Variants in RPS6KA2 observed in about 807,000 individuals in gnomAD.
The protein encoded by RPS6KA2 is ribosomal protein S6 kinase A2.
Under a neutral mutation model 91.8 loss-of-function variants are expected in RPS6KA2, and 42 were observed. The observed-to-expected ratio is 0.46, with a 90% CI of 0.36 to 0.59. RPS6KA2 has a LOEUF of 0.59. RPS6KA2 is among the 20% of genes least tolerant of loss of function. RPS6KA2 has a pLI of 0.00. For missense variants in RPS6KA2, 798 were observed against 978.5 expected, an observed-to-expected ratio of 0.82 and a Z score of 2.46; for synonymous variants, 414 against 393.6, an observed-to-expected ratio of 1.05 and a Z score of -0.61.
At position 166,423,533 on chromosome 6, in the gene RPS6KA2, CA is replaced by C; in HGVS notation, c.1582-117del. On this transcript the variant is annotated intron_variant, in intron 16 of 20. Transcript: ENST00000265678. The surrounding 1 kb of genome is among the most constrained non-coding windows in gnomAD (Gnocchi z 4.8). ...GGAACTGTCTTCCTAGCAGGTCCTG[CA>C]AGCAGGCAACAGGCCAACAGTGTCA... 4.0e-6 allele frequency: 4 copies of C among 999,944 alleles called. No homozygotes were observed. In the South Asian group the frequency reaches 6.6e-5, roughly 16 times the overall value. 61.9% of individuals were successfully genotyped at this position (999,944 alleles called of 1,614,324 possible). A position where few individuals can be genotyped will look rare whatever the true frequency, so the allele number is the denominator to read the frequency against.
chr6:166,663,961 G>C (rs1037741028), intron 2 of RPS6KA2, among the ~76,000 whole-genome samples: 2 of 152,232 alleles, frequency 1.3e-5, no homozygotes, highest in Non-Finnish European at 2.9e-5. Context: ...AGATGTCTCT[G>C]TTTTATTATC....
chr6:166,461,987 T>C (rs1330115896), intron 11 of RPS6KA2, among the ~76,000 whole-genome samples: 1 of 152,236 alleles, frequency 6.6e-6, no homozygotes, highest in Non-Finnish European at 1.5e-5. Flanking sequence ...CTGCCACACC[T>C]GTGTGACCGC....
chr6:166,762,062 G>A (rs181246170), intron 2 of RPS6KA2, among the ~76,000 whole-genome samples: 9 of 152,290 alleles, frequency 5.9e-5, no homozygotes, highest in South Asian at 2.1e-4. Context: ...GCTCTATCAC[G>A]TGGAGGCCCT....
At chr6:166,859,385 T>TG (rs977706199) in intron 1 of RPS6KA2, among the ~76,000 whole-genome samples, 1 of 152,308 alleles carries the variant, frequency 6.6e-6, no homozygotes, top group African/African-American at 2.4e-5. Flanking sequence ...AGCACGCCCT[T>TG]GGCTGCTGTA....
intron 2 of RPS6KA2, among the ~76,000 whole-genome samples, chr6:166,682,693 T>C (rs1387244506): frequency 6.6e-6 from 1 of 152,184 alleles, no homozygotes; most frequent in African/African-American, 2.4e-5. Flanking sequence ...CAAGGATTGC[T>C]TCATAGCCGG....
intron 14 of RPS6KA2, chr6:166,440,163 CA>C (rs1488685006): frequency 1.3e-5 from 2 of 152,174 alleles, no homozygotes; most frequent in Non-Finnish European, 2.9e-5. Flanking sequence ...CATTCCTAAA[CA>C]ATAGGAAACT....
chr6:166,597,442 G>C (rs1051527519), intron 1 of RPS6KA2, among the ~76,000 whole-genome samples: 2 of 152,236 alleles, frequency 1.3e-5, no homozygotes, highest in Admixed American at 1.3e-4. Flanking sequence ...CACAGAGCTG[G>C]GGAAAAGGAC....
intron 2 of RPS6KA2, among the ~76,000 whole-genome samples, chr6:166,667,251 C>T (rs546099776): frequency 6.6e-6 from 1 of 152,138 alleles, no homozygotes; most frequent in East Asian, 1.9e-4. Context: ...GTAAATTTAA[C>T]GTCACATGTT....
At chr6:166,841,124 T>TA (rs942697988) in intron 2 of RPS6KA2, among the ~76,000 whole-genome samples, 154 of 127,310 alleles carry the variant, frequency 1.2e-3, no homozygotes, top group East Asian at 8.1e-3. Flanking sequence ...CTACAAAAAA[T>TA]AAAAAAAAAA....
chr6:166,544,207 T>C (rs889610130), intron 1 of RPS6KA2, among the ~76,000 whole-genome samples: 3 of 152,250 alleles, frequency 2.0e-5, no homozygotes, highest in African/African-American at 7.2e-5. Context: ...GTATTTCACA[T>C]GAGGGCTAGC....
intron 2 of RPS6KA2, among the ~76,000 whole-genome samples, chr6:166,778,720 C>G (rs1027421646): frequency 1.5e-4 from 23 of 152,318 alleles, no homozygotes; most frequent in African/African-American, 5.3e-4. Flanking sequence ...GAGCCAAGAT[C>G]ATGCCATTGC....
At chr6:166,496,926 G>C (rs529186475) in intron 8 of RPS6KA2, among the ~76,000 whole-genome samples, 1 of 152,326 alleles carries the variant, frequency 6.6e-6, no homozygotes, top group African/African-American at 2.4e-5. Context: ...GGCAAAACCT[G>C]CACCAGCGTG....
chr6:166,479,258 C>T (rs998058315), intron 10 of RPS6KA2, among the ~76,000 whole-genome samples: 9 of 151,948 alleles, frequency 5.9e-5, no homozygotes, highest in South Asian at 4.1e-4. Context: ...GCCTAGCCCA[C>T]GAGTGAGGGA....
At chr6:166,684,774 A>G (rs1027084242) in intron 2 of RPS6KA2, among the ~76,000 whole-genome samples, 5 of 152,156 alleles carry the variant, frequency 3.3e-5, no homozygotes, top group African/African-American at 1.2e-4. Flanking sequence ...TCCCAACTTG[A>G]ACATTTATCA....
intron 10 of RPS6KA2, among the ~76,000 whole-genome samples, chr6:166,486,727 C>G (rs747740473): frequency 4.6e-5 from 7 of 152,198 alleles, no homozygotes; most frequent in African/African-American, 1.7e-4. Flanking sequence ...GGCTCCGCTG[C>G]GGGGTGAGTC....
intron 2 of RPS6KA2, among the ~76,000 whole-genome samples, chr6:166,839,024 AAG>A (rs1402363845): frequency 6.6e-6 from 1 of 152,136 alleles, no homozygotes; most frequent in East Asian, 1.9e-4. Flanking sequence ...CACAGGCAGG[AAG>A]TGGGTTCTGG....
chr6:166,654,585 T>C (rs887149795), intron 2 of RPS6KA2, among the ~76,000 whole-genome samples: 2 of 152,234 alleles, frequency 1.3e-5, no homozygotes, highest in Non-Finnish European at 2.9e-5. Context: ...TTCTGCACAA[T>C]TCCATCACAA....
chr6:166,713,018 C>G (rs956435864), intron 2 of RPS6KA2, among the ~76,000 whole-genome samples: 1 of 152,208 alleles, frequency 6.6e-6, no homozygotes, highest in African/African-American at 2.4e-5. Context: ...ATCAGGAGAA[C>G]AGGGTTGTGA....
intron 10 of RPS6KA2, among the ~76,000 whole-genome samples, chr6:166,481,705 G>A (rs1210163964): frequency 6.6e-6 from 1 of 151,852 alleles, no homozygotes; most frequent in Non-Finnish European, 1.5e-5. Context: ...GGAGAGCTCT[G>A]CTGAGTTCTC....
Sources: gnomAD v4.1 joint callset for allele counts (sites outside exome capture counted in the v4.1 genomes callset) on GRCh38, gnomAD v4.1.1 for gene constraint, Gnocchi (gnomAD v3.1) non-coding constraint, MANE v1.5 for transcripts, NCBI Gene and HGNC (gene_info 2026-07-23, HGNC 2026-07-21) for gene names.